CCNY: variants seen among roughly 807,000 people sequenced by gnomAD.
The protein encoded by CCNY is cyclin Y.
CCNY carries 19 observed loss-of-function variants against 42.8 expected under a neutral mutation model. The ratio of observed to expected loss-of-function variants is 0.44; its 90% CI spans 0.31 to 0.65. CCNY has a LOEUF of 0.65. Among genes scored for constraint, CCNY ranks in the 30% least tolerant of loss-of-function variants. CCNY has a pLI of 0.07. For missense variants in CCNY, 370 were observed against 437.3 expected, an observed-to-expected ratio of 0.85 and a Z score of 1.37; for synonymous variants, 165 against 162.7, an observed-to-expected ratio of 1.01 and a Z score of -0.11.
intron 1 of CCNY, among the ~76,000 whole-genome samples, chr10:35,388,145 C>T (rs1299212139): frequency 1.3e-5 from 2 of 152,216 alleles, no homozygotes; most frequent in Non-Finnish European, 2.9e-5. Context: ...GGCCCCAGGC[C>T]AGGGGTGGGC....
At chr10:35,367,994 A>T (rs1202769506) in intron 1 of CCNY, among the ~76,000 whole-genome samples, 1 of 152,238 alleles carries the variant, frequency 6.6e-6, no homozygotes, top group Admixed American at 6.5e-5. Flanking sequence ...AGTCTGTTAG[A>T]AACGAGTTAA....
chr10:35,434,379 C>T (rs1325982243), intron 1 of CCNY, among the ~76,000 whole-genome samples: 1 of 152,166 alleles, frequency 6.6e-6, no homozygotes, highest in Admixed American at 6.5e-5. Flanking sequence ...CCCAGCTGAG[C>T]GCACTGTGGA....
At chr10:35,247,769 G>A (rs553951900) in intron 1 of CCNY, among the ~76,000 whole-genome samples, 4 of 150,880 alleles carry the variant, frequency 2.7e-5, no homozygotes, top group South Asian at 2.1e-4. Context: ...CCAGCTACTC[G>A]GGAGGCTGAG....
In CCNY at chr10:35,376,803, C is replaced by T. The variant is rs543453575; in HGVS notation, c.154+39596C>T. 4.7e-4 allele frequency among the ~76,000 whole-genome samples: 72 copies of T among 152,242 alleles called. 2 individuals are homozygous for T. In the South Asian group the frequency reaches 0.014, roughly 30 times the overall value. On this transcript the variant is annotated intron_variant, in intron 1 of 9. Transcript: ENST00000374704. ...GTGAAAGAAGCCAGTCATAAAAAGC[C>T]ACATATATTACGATTTCACGTATAT...
chr10:35,503,595 A>G (rs1215301138), intron 3 of CCNY, among the ~76,000 whole-genome samples: 3 of 152,224 alleles, frequency 2.0e-5, no homozygotes, highest in African/African-American at 7.2e-5. Flanking sequence ...AACAGTGGAG[A>G]AAGGACGAGC....
chr10:35,487,433 G>A (rs1489951290), intron 2 of CCNY, among the ~76,000 whole-genome samples: 1 of 152,088 alleles, frequency 6.6e-6, no homozygotes, highest in Non-Finnish European at 1.5e-5. Flanking sequence ...ACAGCTCCGT[G>A]TTTCTGCAGA....
chr10:35,356,398 A>G (rs1203386156), intron 1 of CCNY, among the ~76,000 whole-genome samples: 1 of 152,234 alleles, frequency 6.6e-6, no homozygotes, highest in African/African-American at 2.4e-5. Flanking sequence ...AGACTGGTGC[A>G]GTGGTTTTGG....
chr10:35,318,918 A>T (rs758964967), intron 3 of CCNY, among the ~76,000 whole-genome samples: 4 of 152,112 alleles, frequency 2.6e-5, no homozygotes, highest in Non-Finnish European at 5.9e-5. Flanking sequence ...TGACAGTTTA[A>T]CTGATAATTA....
At chr10:35,524,246 A>AT (rs1360998465) in intron 4 of CCNY, among the ~76,000 whole-genome samples, 1 of 152,158 alleles carries the variant, frequency 6.6e-6, no homozygotes. Flanking sequence ...AAACCTTACT[A>AT]TTTTTTATAA....
intron 1 of CCNY, among the ~76,000 whole-genome samples, chr10:35,342,874 C>T (rs893216123): frequency 3.3e-5 from 5 of 152,052 alleles, no homozygotes; most frequent in South Asian, 2.1e-4. Flanking sequence ...GAGAATGATC[C>T]GTGTCTAGAA....
rs1841671628 is a variant in CCNY at position 35,570,812 on chromosome 10, C to T, written c.*1642C>T. 1 of 152,312 alleles carries T rather than the reference C, an allele frequency of 6.6e-6. No homozygotes were observed. The highest frequency in any genetic ancestry group is 1.5e-5 in the Non-Finnish European group (1 of 68,038). 9.4% of individuals were successfully genotyped at this position (152,312 alleles called of 1,614,324 possible). On this transcript the variant is annotated 3_prime_UTR_variant, in exon 10 of 10. Coordinates refer to ENST00000374704, the MANE Select transcript of CCNY (RefSeq NM_145012.6). ...TCAGAAAGTCGAAATCCCAAGAACT[C>T]CAAGCCAAAAGTGTTAGGTTTTAGT...
intron 3 of CCNY, among the ~76,000 whole-genome samples, chr10:35,330,891 G>C (rs973738125): frequency 2.0e-5 from 3 of 152,080 alleles, no homozygotes; most frequent in African/African-American, 7.2e-5. Context: ...TGAGTAGCTG[G>C]GATTACAGGC....
intron 1 of CCNY, among the ~76,000 whole-genome samples, chr10:35,457,951 T>G (rs559862971): frequency 6.6e-6 from 1 of 152,352 alleles, no homozygotes; most frequent in African/African-American, 2.4e-5. Context: ...TCTTTCTGAA[T>G]TTTTTTCCTT....
intron 1 of CCNY, among the ~76,000 whole-genome samples, chr10:35,433,149 A>T (rs1055982532): frequency 2.0e-5 from 3 of 152,186 alleles, no homozygotes; most frequent in African/African-American, 7.2e-5. Flanking sequence ...GTTAAAGACC[A>T]GCCTGGGCAA....
At chr10:35,289,084 A>C (rs1362262661) in intron 3 of CCNY, among the ~76,000 whole-genome samples, 1 of 152,128 alleles carries the variant, frequency 6.6e-6, no homozygotes, top group Non-Finnish European at 1.5e-5. Flanking sequence ...GGTTTTTAAA[A>C]ATTTCAGTAT....
intron 4 of CCNY, 134 bp from the exon 5 acceptor site, chr10:35,525,830 T>G: frequency 2.5e-5 from 15 of 588,296 alleles, no homozygotes; most frequent in Non-Finnish European, 3.7e-5. Flanking sequence ...GCATTGTGAA[T>G]GAGATGGGAC....
At chr10:35,338,777 G>A (rs1287115460) in intron 1 of CCNY, among the ~76,000 whole-genome samples, 1 of 152,028 alleles carries the variant, frequency 6.6e-6, no homozygotes, top group Non-Finnish European at 1.5e-5. Flanking sequence ...TCTAGCGGAG[G>A]CTTTGTTTTG....
intron 3 of CCNY, among the ~76,000 whole-genome samples, chr10:35,291,318 T>G (rs1206392271): frequency 6.6e-6 from 1 of 152,112 alleles, no homozygotes; most frequent in African/African-American, 2.4e-5. Flanking sequence ...ATGAGGTCTT[T>G]TAAAGCTAGC....
chr10:35,384,167 G>C lies in CCNY; in HGVS notation c.154+46960G>C, dbSNP rs138146797. Among the ~76,000 whole-genome samples the C allele has an allele frequency of 1.3e-3, 191 of 152,186 alleles. 5 individuals carry two copies. In the East Asian group the frequency reaches 0.033, roughly 26 times the overall value. Reference sequence around the variant, plus strand: ...AAGTATTTGAGACAGGTCGCAATCAGTTTAGAAGTTTATTTTGCTAAGATT... The same window carrying C: ...AAGTATTTGAGACAGGTCGCAATCACTTTAGAAGTTTATTTTGCTAAGATT... On this transcript the variant is annotated intron_variant, in intron 1 of 9. Transcript: ENST00000374704.
Sources: allele counts gnomAD v4.1 joint callset (sites outside exome capture counted in the v4.1 genomes callset), GRCh38; gene constraint gnomAD v4.1.1; transcripts MANE v1.5; gene names NCBI Gene and HGNC (gene_info 2026-07-23, HGNC 2026-07-21).